HIVEP3: variants seen among roughly 807,000 people sequenced by gnomAD.
The protein encoded by HIVEP3 is HIVEP zinc finger 3, also known as transcription factor HIVEP3.
Under a neutral mutation model 152.8 loss-of-function variants are expected in HIVEP3, and 49 were observed. That is an observed-to-expected ratio of 0.32 (90% confidence interval 0.26 to 0.41). The LOEUF (loss-of-function observed/expected upper bound fraction) is 0.41, where lower values mean the gene tolerates loss of function less well. Ranked by LOEUF, HIVEP3 falls within the 10% of genes least tolerant of loss-of-function variation. The probability of loss-of-function intolerance (pLI) is 1.00; values close to 1 mark genes in which losing one functional copy is unlikely to be tolerated. For missense variants in HIVEP3, 2,790 were observed against 3,103.3 expected (o/e 0.90, Z 2.40); for synonymous variants, 1,269 against 1,289.0 (o/e 0.98, Z 0.33).
intron 1 of HIVEP3, among the ~76,000 whole-genome samples, chr1:41,854,413 C>T (rs1388240677): frequency 6.6e-6 from 1 of 152,094 alleles, no homozygotes; most frequent in Non-Finnish European, 1.5e-5. Context: ...GCCTCACCCC[C>T]ACCCCACTGA....
chr1:41,702,486 G>T (rs910352969), intron 1 of HIVEP3, among the ~76,000 whole-genome samples: 1 of 152,140 alleles, frequency 6.6e-6, no homozygotes, highest in Non-Finnish European at 1.5e-5. Context: ...TTGTTTCCCT[G>T]TATGTAAAAT....
intron 3 of HIVEP3, among the ~76,000 whole-genome samples, chr1:41,596,186 A>G (rs1299616372): frequency 6.6e-6 from 1 of 152,128 alleles, no homozygotes; most frequent in Admixed American, 6.5e-5. Flanking sequence ...AAGCCTCATT[A>G]TGTCAAGCAG....
intron 1 of HIVEP3, among the ~76,000 whole-genome samples, chr1:41,982,865 G>T (rs904950522): frequency 6.6e-6 from 1 of 152,226 alleles, no homozygotes. Context: ...TTAGTTGAAT[G>T]AAACAAATGC....
chr1:41,544,837 C>CTAT (rs1643659518), intron 5 of HIVEP3, among the ~76,000 whole-genome samples: 1 of 118,384 alleles, frequency 8.4e-6, no homozygotes, highest in Admixed American at 8.2e-5. Flanking sequence ...ACCATCACCA[C>CTAT]CACCACTACC....
In HIVEP3 at chr1:41,510,406, G is replaced by A. The variant is rs778776029; in HGVS notation, c.*45C>T. ...TCGAGGAAAGTGGCTGGAAACGTCT[G>A]TTGCTGGACACTGGAAGCCAGATGC... On this transcript the variant is annotated 3_prime_UTR_variant, in exon 9 of 9. Transcript: ENST00000372583. The A allele has an allele frequency of 7.1e-7, 1 of 1,412,240 alleles. No homozygotes were observed. The highest frequency in any genetic ancestry group is 9.3e-7 in the Non-Finnish European group (1 of 1,076,742). The allele number at this position is 1,412,240 out of a possible 1,614,324, so 87.5% of individuals were successfully genotyped here.
intron 1 of HIVEP3, among the ~76,000 whole-genome samples, chr1:41,722,915 A>ATGTG (rs140553591): frequency 6.6e-6 from 1 of 152,088 alleles, no homozygotes; most frequent in Admixed American, 6.6e-5. Context: ...AGAGAGATGC[A>ATGTG]TGTGTGTGTG....
chr1:41,565,029 A>G (rs1182544057), intron 5 of HIVEP3, among the ~76,000 whole-genome samples: 2 of 152,174 alleles, frequency 1.3e-5, no homozygotes, highest in Non-Finnish European at 2.9e-5. Flanking sequence ...GAACATCTCC[A>G]ATGTCTTGAG....
intron 7 of HIVEP3, among the ~76,000 whole-genome samples, chr1:41,518,003 G>A (rs1203379429): frequency 6.6e-6 from 1 of 152,186 alleles, no homozygotes; most frequent in Non-Finnish European, 1.5e-5. Flanking sequence ...GGGTTGGCTG[G>A]GATAATTCAG....
At chr1:41,974,346 T>A (rs370193601) in intron 1 of HIVEP3, among the ~76,000 whole-genome samples, 16 of 152,118 alleles carry the variant, frequency 1.1e-4, no homozygotes, top group African/African-American at 3.9e-4. Flanking sequence ...TTCTCTTCCC[T>A]CCCGTTCCTG....
At chr1:41,856,276 CAAAT>C (rs1356824990) in intron 1 of HIVEP3, among the ~76,000 whole-genome samples, 3 of 152,164 alleles carry the variant, frequency 2.0e-5, no homozygotes, top group Non-Finnish European at 4.4e-5. Flanking sequence ...AGCAAATGAA[CAAAT>C]GAATGAAGGA....
At chr1:41,853,322 G>A (rs938231716) in intron 1 of HIVEP3, among the ~76,000 whole-genome samples, 1 of 152,176 alleles carries the variant, frequency 6.6e-6, no homozygotes, top group African/African-American at 2.4e-5. Context: ...AAGGAAAGAG[G>A]TTTAATTGAC....
intron 1 of HIVEP3, among the ~76,000 whole-genome samples, chr1:41,984,499 C>A (rs1645310888): frequency 6.6e-6 from 1 of 152,156 alleles, no homozygotes; most frequent in Non-Finnish European, 1.5e-5. Flanking sequence ...CTCAAAGGTG[C>A]ACAACAAATA....
At chr1:41,594,340 A>C (rs1644633023) in intron 3 of HIVEP3, among the ~76,000 whole-genome samples, 1 of 152,140 alleles carries the variant, frequency 6.6e-6, no homozygotes, top group Non-Finnish European at 1.5e-5. Context: ...CTCCTGCCTC[A>C]GCCTCCTGAG....
intron 5 of HIVEP3, among the ~76,000 whole-genome samples, chr1:41,572,476 C>T (rs1460830211): frequency 6.6e-6 from 1 of 152,232 alleles, no homozygotes; most frequent in African/African-American, 2.4e-5. Context: ...CTAGCTATTC[C>T]ATCCCCCAGG....
chr1:41,885,786 C>T (rs1391333582), intron 1 of HIVEP3, among the ~76,000 whole-genome samples: 1 of 133,914 alleles, frequency 7.5e-6, no homozygotes, highest in African/African-American at 2.7e-5. Flanking sequence ...TCCTTTCATT[C>T]CCTCCCTCCC....
chr1:41,582,748 C>T lies in HIVEP3; in HGVS notation c.2050G>A (p.Glu684Lys), dbSNP rs1450616618. 1 of 1,614,062 alleles carries T rather than the reference C, an allele frequency of 6.2e-7. No individual in the cohort carries two copies. Among genetic ancestry groups the T allele is most frequent in the Non-Finnish European group, 8.5e-7 (1 of 1,180,036 alleles). ...TGCTCAATCTGACTCTTTTCAGCTTCTGGAGATGTGTGGGTGCCTGCAGAG... is the reference window on the plus strand; with the variant it reads ...TGCTCAATCTGACTCTTTTCAGCTTTTGGAGATGTGTGGGTGCCTGCAGAG... ...PISAGTHTSP[E>K]AEKSQIEHEP... Residue 684 changes from glutamate to lysine, a missense_variant, in exon 4 of 9, where the codon GAA (glutamate) becomes AAA (lysine). Physicochemically the swap from Glu to Lys is moderately conservative, Grantham distance 56. Around this residue, in one of 9 missense-constraint regions of HIVEP3, gnomAD observed 339 missense variants for 327.0 expected, o/e 1.04. Transcript: ENST00000372583. This position sits in a 1 kb window ranked among gnomAD's most constrained non-coding sequence, Gnocchi z 4.7.
intron 1 of HIVEP3, among the ~76,000 whole-genome samples, chr1:41,734,834 G>T (rs1646893370): frequency 6.6e-6 from 1 of 152,222 alleles, no homozygotes; most frequent in African/African-American, 2.4e-5. Flanking sequence ...GGTGAGACAT[G>T]ATCTAAAGAG....
intron 1 of HIVEP3, among the ~76,000 whole-genome samples, chr1:41,724,026 G>A (rs1177853716): frequency 6.6e-6 from 1 of 152,182 alleles, no homozygotes; most frequent in Non-Finnish European, 1.5e-5. Flanking sequence ...TAAACTCAGA[G>A]GATAATACAG....
chr1:42,030,986 T>A (rs1277537492), intron 1 of HIVEP3, among the ~76,000 whole-genome samples: 1 of 152,340 alleles, frequency 6.6e-6, no homozygotes. Context: ...CATTTACTCA[T>A]GTCTAGATGC....
Sources: gnomAD v4.1 joint callset for allele counts (sites outside exome capture counted in the v4.1 genomes callset) on GRCh38, gnomAD v4.1.1 for gene constraint, gnomAD v4.1.1 regional missense constraint, Gnocchi (gnomAD v3.1) non-coding constraint, MANE v1.5 for transcripts, NCBI Gene and HGNC (gene_info 2026-07-23, HGNC 2026-07-21) for gene names.